Variants in RASAL3 observed in about 807,000 individuals in gnomAD.
The protein encoded by RASAL3 is RAS protein activator like-3.
RASAL3 carries 74 observed loss-of-function variants against 105.5 expected under a neutral mutation model. That is an observed-to-expected ratio of 0.70 (90% CI 0.58 to 0.85). The LOEUF is 0.85. RASAL3 is among the 40% of genes least tolerant of loss of function. The pLI is 0.00. For missense variants in RASAL3, 1,352 were observed against 1,392.0 expected, an observed-to-expected ratio of 0.97 and a Z score of 0.46; for synonymous variants, 579 against 591.6, an observed-to-expected ratio of 0.98 and a Z score of 0.31.
chr19:15,463,927 C>G, intron 2 of RASAL3, 104 bp downstream of exon 2: 2 of 1,122,410 alleles, frequency 1.8e-6, no homozygotes, highest in Non-Finnish European at 2.5e-6. Context: ...TTTTGCACTC[C>G]CCACAACTTC....
chr19:15,452,181 A>T, intron 16 of RASAL3, 73 bp from the exon 17 acceptor site: 1 of 1,499,236 alleles, frequency 6.7e-7, no homozygotes, highest in Non-Finnish European at 9.3e-7. Context: ...TGGGAGTGCC[A>T]GGGACTCCGG....
chr19:15,462,740 CAGG>C (rs1970549145), intron 2 of RASAL3, among the ~76,000 whole-genome samples: 2 of 152,132 alleles, frequency 1.3e-5, no homozygotes, highest in South Asian at 4.1e-4. Flanking sequence ...ATCATGAGGT[CAGG>C]AGATCGAGAC....
chr19:15,456,102 A>C lies in RASAL3; in HGVS notation c.1721+2T>G. 6.2e-7 allele frequency: 1 copy of C among 1,612,542 alleles called. No individual in the cohort carries two copies. Among genetic ancestry groups the C allele is most frequent in the Non-Finnish European group, 8.5e-7 (1 of 1,178,904 alleles). ...CTAAGCTGCTGGGGCCCTGATTCTC[A>C]CTCGTAGGAATGGATAATGGTTTCG... On this transcript the variant is annotated splice_donor_variant, in intron 11 of 17. Transcript: ENST00000343625. LOFTEE classifies it high-confidence loss of function. This position sits in a 1 kb window ranked among gnomAD's most constrained non-coding sequence, Gnocchi z 4.4.
chr19:15,462,820 G>A (rs919296804), intron 2 of RASAL3, among the ~76,000 whole-genome samples: 1 of 151,120 alleles, frequency 6.6e-6, no homozygotes, highest in African/African-American at 2.4e-5. Context: ...GCATGGTGGC[G>A]GGTTCCTGTA....
intron 2 of RASAL3, among the ~76,000 whole-genome samples, chr19:15,462,170 TAAC>T (rs1194735454): frequency 1.3e-5 from 2 of 151,256 alleles, no homozygotes; most frequent in Non-Finnish European, 3.0e-5. Flanking sequence ...CTGGGCAACA[TAAC>T]AAGACCCTGT....
intron 16 of RASAL3, chr19:15,452,325 TTTGGCCAGTCCTGGG>T (rs1475890239): frequency 4.9e-6 from 3 of 607,130 alleles, no homozygotes; most frequent in Non-Finnish European, 5.9e-6. Context: ...GGAGGTGGGG[TTTGGCCAGTCCTGGG>T]TGGGGTCGTG....
Position 15,456,166 on chromosome 19 carries a change from C to A in RASAL3, c.1659G>T (p.Glu553Asp). 2 of 1,613,858 alleles carry A rather than the reference C, an allele frequency of 1.2e-6. No homozygotes were observed. The highest frequency in any genetic ancestry group is 8.5e-7 in the Non-Finnish European group (1 of 1,179,828). The stretch of plus-strand genomic sequence containing the variant: ...AGCTGTTCCGAAGTCTGGCCTGGTG[C>A]TCTGGCAGCTCCGAGGCTGGACATT... ...PSKCPASELPEHQARLRNSCE... is the reference protein window; with the variant it reads ...PSKCPASELPDHQARLRNSCE... The change falls in exon 11 of 18, where the codon GAG becomes GAT. Residue 553 changes from glutamate (E) to aspartate (D), a missense_variant. Around this residue, in one of 3 missense-constraint regions of RASAL3, gnomAD observed 920 missense variants for 919.6 expected, o/e 1.00. Coordinates refer to ENST00000343625, the MANE Select transcript of RASAL3 (RefSeq NM_022904.3). This position sits in a 1 kb window ranked among gnomAD's most constrained non-coding sequence, Gnocchi z 4.4.
In RASAL3 at chr19:15,453,075, C is replaced by G; in HGVS notation, c.2670+32G>C. 6.2e-7 allele frequency: 1 copy of G among 1,612,106 alleles called. No individual in the cohort carries two copies. On this transcript the variant is annotated intron_variant, in intron 15 of 17. Transcript: ENST00000343625. The surrounding 1 kb of genome is among the most constrained non-coding windows in gnomAD (Gnocchi z 4.2). ...TTCCCCAGTCGCGTCCCTGTTCCCA[C>G]TCCCCAGGCGCGGACCTGGGCCTGA...
intron 11 of RASAL3, among the ~76,000 whole-genome samples, chr19:15,455,186 C>T (rs1162794342): frequency 2.6e-5 from 4 of 152,168 alleles, no homozygotes; most frequent in African/African-American, 4.8e-5. Context: ...TACAGGGTCA[C>T]ATGAAGACAG....
In RASAL3 at chr19:15,456,591, G is replaced by A. The variant is rs756653570; in HGVS notation, c.1487C>T (p.Ala496Val). ...AELARCGGRE[A>V]LLFRENTLAT... The stretch of plus-strand genomic sequence containing the variant: ...CAATGTGTTTTCCCGGAACAGCAGC[G>A]CCTCACGGCCTCCACAGCGCGCCAG... Residue 496 changes from alanine (A) to valine (V), a missense_variant, in exon 10 of 18, where the codon GCG (alanine) becomes GTG (valine). Ala to Val is a moderately conservative substitution (Grantham distance 64). Around this residue, in one of 3 missense-constraint regions of RASAL3, gnomAD observed 920 missense variants for 919.6 expected, o/e 1.00. Coordinates refer to ENST00000343625, the MANE Select transcript of RASAL3 (RefSeq NM_022904.3). The surrounding 1 kb of genome is among the most constrained non-coding windows in gnomAD (Gnocchi z 4.4). 2 of 1,613,570 alleles carry A rather than the reference G, an allele frequency of 1.2e-6. No individual in the cohort carries two copies. The highest frequency in any genetic ancestry group is 8.5e-7 in the Non-Finnish European group (1 of 1,179,768).
chr19:15,452,847 G>C, intron 15 of RASAL3, 32 bp from the exon 16 acceptor site: 1 of 1,505,324 alleles, frequency 6.6e-7, no homozygotes, highest in Non-Finnish European at 8.9e-7. Flanking sequence ...AATCTGACCC[G>C]TTGTCCCGCC....
Position 15,452,111 on chromosome 19 carries a change from G to A in RASAL3, c.2829-3C>T. On this transcript the variant is annotated splice_region_variant and splice_polypyrimidine_tract_variant and intron_variant, in intron 16 of 17. Coordinates refer to ENST00000343625, the MANE Select transcript of RASAL3 (RefSeq NM_022904.3). ...GCTCTGAATCAAACTCTGAGCTCCT[G>A]TGGGGGTCGGGGGATTGGGGCGAAG... 1.2e-6 allele frequency: 2 copies of A among 1,613,852 alleles called. No individual in the cohort carries two copies. Among genetic ancestry groups the A allele is most frequent in the East Asian group, 2.2e-5 (1 of 44,878 alleles).
At position 15,457,805 on chromosome 19, in the gene RASAL3, C is replaced by G. The variant is rs754968185; in HGVS notation, c.918G>C (p.Leu306=). 6.0e-5 allele frequency: 93 copies of G among 1,548,806 alleles called. No homozygotes were observed. Among genetic ancestry groups the G allele is most frequent in the Non-Finnish European group, 7.9e-5 (91 of 1,146,974 alleles). Residue 306 remains leucine, a synonymous_variant, in exon 9 of 18, where the codon CTG becomes CTC. Coordinates refer to ENST00000343625, the MANE Select transcript of RASAL3 (RefSeq NM_022904.3). This position sits in a 1 kb window ranked among gnomAD's most constrained non-coding sequence, Gnocchi z 8.6. ...CCTTCGCTTCGTGCACCCACACGCT[C>G]AGCCATGTCTCTTCCCGCTCCACGT... ...QDNVEREETW[L]SVWVHEAKGL... is the part of the protein sequence containing the mutation.
Position 15,453,246 on chromosome 19 carries a change from A to T in RASAL3, c.2531T>A (p.Met844Lys), listed in dbSNP as rs1211519991. The change falls in exon 15 of 18, where the codon ATG becomes AAG. Residue 844 changes from methionine to lysine, a missense_variant. Physicochemically the swap from Met to Lys is moderately conservative, Grantham distance 95. Around this residue, in one of 3 missense-constraint regions of RASAL3, gnomAD observed 920 missense variants for 919.6 expected, o/e 1.00. Coordinates refer to ENST00000343625, the MANE Select transcript of RASAL3 (RefSeq NM_022904.3). The surrounding 1 kb of genome is among the most constrained non-coding windows in gnomAD (Gnocchi z 4.2). Reference sequence around the variant, plus strand: ...AGGCCGGGCGCGGGGCGCTGGTCCCATGCTCAGGGAGCCTTTGGGTCGCGG... The same window carrying T: ...AGGCCGGGCGCGGGGCGCTGGTCCCTTGCTCAGGGAGCCTTTGGGTCGCGG... Reference protein sequence around the residue: ...PWPRPKGSLSMGPAPRARPWT... With the variant: ...PWPRPKGSLSKGPAPRARPWT... The T allele has an allele frequency of 3.3e-5, 52 of 1,587,762 alleles. No individual in the cohort carries two copies. Among genetic ancestry groups the T allele is most frequent in the Non-Finnish European group, 4.4e-5 (51 of 1,169,018 alleles).
At chr19:15,458,727 G>T in intron 6 of RASAL3, 72 bp from the exon 7 acceptor site, 1 of 1,534,748 alleles carries the variant, frequency 6.5e-7, no homozygotes, top group Admixed American at 2.0e-5. Context: ...AAGGGTAGAG[G>T]AAGGCCAGGA....
In RASAL3 at chr19:15,453,572, A is replaced by T; in HGVS notation, c.2280-75T>A. On this transcript the variant is annotated intron_variant, in intron 14 of 17. Coordinates refer to ENST00000343625, the MANE Select transcript of RASAL3 (RefSeq NM_022904.3). The surrounding 1 kb of genome is among the most constrained non-coding windows in gnomAD (Gnocchi z 4.2). ...CCCCATCCCGACCTGACCAGAAGTG[A>T]CCTCACCCCCCACGTGAACTTGTCC... 1 of 1,363,174 alleles carries T rather than the reference A, an allele frequency of 7.3e-7. No homozygotes were observed. The highest frequency in any genetic ancestry group is 9.6e-7 in the Non-Finnish European group (1 of 1,046,868). The allele number at this position is 1,363,174 out of a possible 1,614,324, so 84.4% of individuals were successfully genotyped here.
intron 6 of RASAL3, among the ~76,000 whole-genome samples, chr19:15,459,935 C>T (rs1350327468): frequency 6.6e-6 from 1 of 152,152 alleles, no homozygotes; most frequent in Non-Finnish European, 1.5e-5. Context: ...AACTTCCATC[C>T]ACCCTTCAGA....
At position 15,456,029 on chromosome 19, in the gene RASAL3, G is replaced by T; in HGVS notation, c.1721+75C>A. On this transcript the variant is annotated intron_variant, in intron 11 of 17. Transcript: ENST00000343625. The surrounding 1 kb of genome is among the most constrained non-coding windows in gnomAD (Gnocchi z 4.4). Reference sequence around the variant, plus strand: ...ACTGAGTGTCTCCTGTATTTTATCTGGCCACCCTAAACTGGAGGTCGGGGC... The same window carrying T: ...ACTGAGTGTCTCCTGTATTTTATCTTGCCACCCTAAACTGGAGGTCGGGGC... 6.6e-7 allele frequency: 1 copy of T among 1,510,012 alleles called. No individual in the cohort carries two copies. The highest frequency in any genetic ancestry group is 9.0e-7 in the Non-Finnish European group (1 of 1,107,656). 93.5% of individuals were successfully genotyped at this position (1,510,012 alleles called of 1,614,324 possible).
chr19:15,461,153 G>A (rs2145487260), intron 4 of RASAL3, 32 bp from the exon 5 acceptor site: 1 of 1,613,526 alleles, frequency 6.2e-7, no homozygotes, highest in Admixed American at 1.7e-5. Flanking sequence ...AGGTTGGGGG[G>A]TTGGATTCTG....
Sources: gnomAD v4.1 joint callset for allele counts (sites outside exome capture counted in the v4.1 genomes callset) on GRCh38, gnomAD v4.1.1 for gene constraint, gnomAD v4.1.1 regional missense constraint, Gnocchi (gnomAD v3.1) non-coding constraint, MANE v1.5 for transcripts, NCBI Gene and HGNC (gene_info 2026-07-23, HGNC 2026-07-21) for gene names.